ETAA1: variants seen among roughly 807,000 people sequenced by gnomAD.
The protein encoded by ETAA1 is ETAA1 activator of ATR kinase.
ETAA1 carries 49 observed loss-of-function variants against 76.8 expected under a neutral mutation model. The observed-to-expected ratio is 0.64, with a 90% confidence interval of 0.51 to 0.81. The LOEUF (loss-of-function observed/expected upper bound fraction) is 0.81, where lower values mean the gene tolerates loss of function less well. ETAA1 is among the 30% of genes least tolerant of loss of function. ETAA1 has a pLI of 0.00. For synonymous variants in ETAA1, 373 were observed against 372.2 expected (o/e 1.00, Z -0.03); for missense variants, 1,099 against 1,074.0 (o/e 1.02, Z -0.32).
chr2:67,402,758 A>C (rs1676090128), intron 3 of ETAA1, 104 bp from the exon 4 acceptor site: 1 of 685,494 alleles, frequency 1.5e-6, no homozygotes, highest in Admixed American at 3.4e-5. Context: ...AAATTAATTC[A>C]AAATCATTAG....
In ETAA1 at chr2:67,405,204, C is replaced by G. The variant is rs1176475573; in HGVS notation, c.2522C>G (p.Thr841Ser). 1.2e-6 allele frequency: 2 copies of G among 1,612,382 alleles called. No homozygotes were observed. The highest frequency in any genetic ancestry group is 1.3e-5 in the African/African-American group (1 of 74,818). Residue 841 changes from threonine to serine, a missense_variant, in exon 5 of 6, where the codon ACT becomes AGT. Coordinates refer to ENST00000272342, the MANE Select transcript of ETAA1 (RefSeq NM_019002.4). Reference protein sequence around the residue: ...ILSQFNQNCITGSMSDTKITQ... With the variant: ...ILSQFNQNCISGSMSDTKITQ... Reference sequence around the variant, plus strand: ...TCTCAGTTTAATCAAAATTGTATAACTGGAAGTATGTCTGATACCAAAATT... The same window carrying G: ...TCTCAGTTTAATCAAAATTGTATAAGTGGAAGTATGTCTGATACCAAAATT...
Position 67,412,050 on chromosome 2 carries a change from C to A in ETAA1, c.*2012C>A, listed in dbSNP as rs1469324776. The A allele has an allele frequency of 1.3e-5, 2 of 151,772 alleles. No homozygotes were observed. The highest frequency in any genetic ancestry group is 2.9e-5 in the Non-Finnish European group (2 of 67,936). The allele number at this position is 151,772 out of a possible 1,614,324, so 9.4% of individuals were successfully genotyped here. On this transcript the variant is annotated 3_prime_UTR_variant, in exon 6 of 6. Coordinates refer to ENST00000272342, the MANE Select transcript of ETAA1 (RefSeq NM_019002.4). ...ATCATAATGGTACTAATTATTGTGT[C>A]TTTCATTGAGCAATACTATAATGCC...
In ETAA1 at chr2:67,403,175, GAT is replaced by G. The variant is rs772082489; in HGVS notation, c.543-46_543-45del. The G allele has an allele frequency of 2.9e-5, 37 of 1,281,542 alleles. No individual in the cohort carries two copies. In the East Asian group the frequency reaches 8.7e-4, roughly 30 times the overall value. 79.4% of individuals were successfully genotyped at this position (1,281,542 alleles called of 1,614,324 possible). On this transcript the variant is annotated intron_variant, in intron 4 of 5. Coordinates refer to ENST00000272342, the MANE Select transcript of ETAA1 (RefSeq NM_019002.4). ...ATCAAAATATGTTAAATAACAGTTG[GAT>G]ATAATGTTTCAGAACATTTTTAGTT... is the stretch of plus-strand genomic sequence containing the variant.
rs145469665 is a variant in ETAA1, at chr2:67,403,703, C to G, written c.1021C>G (p.Arg341Gly). Residue 341 changes from arginine (R) to glycine (G), a missense_variant, in exon 5 of 6, where the codon CGA (arginine) becomes GGA (glycine). Physicochemically the swap from Arg to Gly is moderately radical, Grantham distance 125. Around this residue, in one of 3 missense-constraint regions of ETAA1, gnomAD observed 761 missense variants for 731.9 expected, o/e 1.04. Coordinates refer to ENST00000272342, the MANE Select transcript of ETAA1 (RefSeq NM_019002.4). ...VIEKLSNKTP[R>G]SLSSQVDTPI... ...TGAAAAACTGTCAAATAAAACCCCA[C>G]GATCACTTTCTTCTCAAGTAGATAC... 5.2e-4 allele frequency: 844 copies of G among 1,613,366 alleles called. 3 individuals carry two copies. The African/African-American group carries it at 8.7e-3, about 17-fold the overall frequency.
At position 67,397,780 on chromosome 2, in the gene ETAA1, T is replaced by C. The variant is rs1675922993; in HGVS notation, c.223+109T>C. The stretch of plus-strand genomic sequence containing the variant: ...GGTGGAGTCTGGAGCGTGTATTCTG[T>C]CTCTGGGATTCACCCCTCGAGAGTC... On this transcript the variant is annotated intron_variant, in intron 1 of 5. Transcript: ENST00000272342. 4 of 1,120,228 alleles carry C rather than the reference T, an allele frequency of 3.6e-6. No individual in the cohort carries two copies. In the East Asian group the frequency reaches 1.0e-4, roughly 29 times the overall value. 69.4% of individuals were successfully genotyped at this position (1,120,228 alleles called of 1,614,324 possible). A position where few individuals can be genotyped will look rare whatever the true frequency, so the allele number is the denominator to read the frequency against.
rs1480186105 is a variant in ETAA1 at position 67,411,950 on chromosome 2, A to G, written c.*1912A>G. The stretch of plus-strand genomic sequence containing the variant: ...TACTTTTAGCCTATTCTGTTCATTC[A>G]TTTAGACTCAGCCTAATAAGTCTGT... On this transcript the variant is annotated 3_prime_UTR_variant, in exon 6 of 6. Coordinates refer to ENST00000272342, the MANE Select transcript of ETAA1 (RefSeq NM_019002.4). 1.3e-5 allele frequency: 2 copies of G among 151,866 alleles called. No individual in the cohort carries two copies. The highest frequency in any genetic ancestry group is 3.9e-4 in the East Asian group (2 of 5,158). The allele number at this position is 151,866 out of a possible 1,614,324, so 9.4% of individuals were successfully genotyped here.
rs974523123 is a variant in ETAA1, at chr2:67,410,854, C to T, written c.*816C>T. The T allele has an allele frequency of 1.3e-5, 2 of 151,956 alleles. No individual in the cohort carries two copies. The highest frequency in any genetic ancestry group is 2.9e-5 in the Non-Finnish European group (2 of 67,944). 9.4% of individuals were successfully genotyped at this position (151,956 alleles called of 1,614,324 possible). On this transcript the variant is annotated 3_prime_UTR_variant, in exon 6 of 6. Coordinates refer to ENST00000272342, the MANE Select transcript of ETAA1 (RefSeq NM_019002.4). ...TTATTTGGACACCTAAACAATTATA[C>T]TATTTGTTTCAAAGTATCAGTACAT... is the stretch of plus-strand genomic sequence containing the variant.
Position 67,404,666 on chromosome 2 carries a change from T to C in ETAA1, c.1984T>C (p.Ser662Pro). 6.2e-7 allele frequency: 1 copy of C among 1,613,222 alleles called. No homozygotes were observed. The highest frequency in any genetic ancestry group is 8.5e-7 in the Non-Finnish European group (1 of 1,179,512). Residue 662 changes from serine to proline, a missense_variant, in exon 5 of 6, where the codon TCA (serine) becomes CCA (proline). Coordinates refer to ENST00000272342, the MANE Select transcript of ETAA1 (RefSeq NM_019002.4). Reference protein sequence around the residue: ...QQDIRKDSKTSESICEINNNS... With the variant: ...QQDIRKDSKTPESICEINNNS... ...AGACATTAGAAAGGACAGTAAGACATCAGAAAGTATATGTGAGATCAATAA... is the reference window on the plus strand; with the variant it reads ...AGACATTAGAAAGGACAGTAAGACACCAGAAAGTATATGTGAGATCAATAA...
chr2:67,403,794 T>C lies in ETAA1; in HGVS notation c.1112T>C (p.Ile371Thr), dbSNP rs765914015. ...GAGCCAGAAACTTCTAATAAGTACATTGATGCATTTACTACAAGTGATTTT... is the reference window on the plus strand; with the variant it reads ...GAGCCAGAAACTTCTAATAAGTACACTGATGCATTTACTACAAGTGATTTT... ...TKEPETSNKY[I>T]DAFTTSDFED... The change falls in exon 5 of 6, where the codon ATT becomes ACT. Residue 371 changes from isoleucine to threonine, a missense_variant. Physicochemically the swap from Ile to Thr is moderately conservative, Grantham distance 89. Around this residue, in one of 3 missense-constraint regions of ETAA1, gnomAD observed 761 missense variants for 731.9 expected, o/e 1.04. Transcript: ENST00000272342. 8.1e-6 allele frequency: 13 copies of C among 1,613,264 alleles called. No individual in the cohort carries two copies. Among genetic ancestry groups the C allele is most frequent in the South Asian group, 3.3e-5 (3 of 91,070 alleles).
In ETAA1 at chr2:67,399,149, T is replaced by C; in HGVS notation, c.224-20T>C. 6.3e-7 allele frequency: 1 copy of C among 1,599,354 alleles called. No individual in the cohort carries two copies. The highest frequency in any genetic ancestry group is 8.5e-7 in the Non-Finnish European group (1 of 1,174,184). On this transcript the variant is annotated intron_variant, in intron 1 of 5. Transcript: ENST00000272342. ...TGCTTTAAAATGCAACAATTGTTAT[T>C]TTACTCATATTTTATATAGAAAGGT...
Position 67,397,597 on chromosome 2 carries a change from AG to A in ETAA1, c.153del (p.Pro52LeufsTer33). 1 of 1,552,502 alleles carries A rather than the reference AG, an allele frequency of 6.4e-7. No homozygotes were observed. Among genetic ancestry groups the A allele is most frequent in the Non-Finnish European group, 8.7e-7 (1 of 1,148,758 alleles). ...ARGSWPCGAREGPPGPVRQRE... is the reference protein window; with the variant it reads ...ARGSWPCGARXGPPGPVRQRE... ...GGTTCGTGGCCCTGCGGGGCTAGAG[AG>A]GGGCCTCCCGGGCCAGTGCGGCAGC... On this transcript the variant is annotated frameshift_variant, in exon 1 of 6. Coordinates refer to ENST00000272342, the MANE Select transcript of ETAA1 (RefSeq NM_019002.4). LOFTEE classifies it high-confidence loss of function.
intron 3 of ETAA1, chr2:67,400,768 G>C (rs936644945): frequency 6.6e-6 from 1 of 152,024 alleles, no homozygotes; most frequent in African/African-American, 2.4e-5. Context: ...CCCAAAACAT[G>C]GTTTGAAGAA....
In ETAA1 at chr2:67,399,720, A is replaced by G. The variant is rs1284322607; in HGVS notation, c.429+94A>G. ...CTTTAAATGAAAAGTATTGTCTATT[A>G]TAATTCTTTTTTCCAAAAATAAGGC... is the stretch of plus-strand genomic sequence containing the variant. On this transcript the variant is annotated intron_variant, in intron 3 of 5. Coordinates refer to ENST00000272342, the MANE Select transcript of ETAA1 (RefSeq NM_019002.4). 4 of 795,488 alleles carry G rather than the reference A, an allele frequency of 5.0e-6. No individual in the cohort carries two copies. In the African/African-American group the frequency reaches 5.4e-5, roughly 11 times the overall value. The allele number at this position is 795,488 out of a possible 1,614,324, so 49.3% of individuals were successfully genotyped here.
Position 67,404,765 on chromosome 2 carries a change from T to G in ETAA1, c.2083T>G (p.Leu695Val). 6.2e-7 allele frequency: 1 copy of G among 1,613,460 alleles called. No homozygotes were observed. The highest frequency in any genetic ancestry group is 2.2e-5 in the East Asian group (1 of 44,822). The change falls in exon 5 of 6, where the codon TTG (leucine) becomes GTG (valine). Residue 695 changes from leucine to valine, a missense_variant. Transcript: ENST00000272342. ...QGSNLVQSKHLNPGSISVQTS... is the reference protein window; with the variant it reads ...QGSNLVQSKHVNPGSISVQTS... ...AAGTAATTTGGTACAATCAAAGCAT[T>G]TGAATCCAGGCAGCATTTCAGTGCA...
chr2:67,405,265 A>G lies in ETAA1; in HGVS notation c.2583A>G (p.Pro861=), dbSNP rs17033537. 5.1e-3 allele frequency: 8,094 copies of G among 1,599,148 alleles called. 329 individuals are homozygous for G. The African/African-American group carries it at 0.088, about 17-fold the overall frequency. Residue 861 remains proline, a synonymous_variant, in exon 5 of 6, where the codon CCA becomes CCG. Transcript: ENST00000272342. Reference sequence around the variant, plus strand: ...TGGAGAAAAAGAAAGGTGTCAACCCATTACTGGAGGAAGCTGTTGGACAGC... The same window carrying G: ...TGGAGAAAAAGAAAGGTGTCAACCCGTTACTGGAGGAAGCTGTTGGACAGC... ...QGVEKKKGVN[P]LLEEAVGQQS...
Position 67,405,048 on chromosome 2 carries a change from C to T in ETAA1, c.2366C>T (p.Thr789Ile), listed in dbSNP as rs200553109. ...TSDHMNTEIT[T>I]YKKKLSTNQP... ...GATCATATGAATACAGAAATTACTACTTATAAGAAGAAATTGAGTACTAAT... is the reference window on the plus strand; with the variant it reads ...GATCATATGAATACAGAAATTACTATTTATAAGAAGAAATTGAGTACTAAT... Residue 789 changes from threonine to isoleucine, a missense_variant, in exon 5 of 6, where the codon ACT becomes ATT. Around this residue, in one of 3 missense-constraint regions of ETAA1, gnomAD observed 302 missense variants for 278.1 expected, o/e 1.09. Coordinates refer to ENST00000272342, the MANE Select transcript of ETAA1 (RefSeq NM_019002.4). 3 of 1,611,486 alleles carry T rather than the reference C, an allele frequency of 1.9e-6. No individual in the cohort carries two copies. In the East Asian group the frequency reaches 6.7e-5, roughly 36 times the overall value.
At position 67,397,648 on chromosome 2, in the gene ETAA1, T is replaced by G. The variant is rs761561082; in HGVS notation, c.200T>G (p.Leu67Arg). Reference sequence around the variant, plus strand: ...CGAGAGCAGCCTCCGACCGCCGCCCTGTGCAGTAAAAGTAACCCCGAGGGT... The same window carrying G: ...CGAGAGCAGCCTCCGACCGCCGCCCGGTGCAGTAAAAGTAACCCCGAGGGT... ...RQREQPPTAA[L>R]CSKSNPEERY... Residue 67 changes from leucine to arginine, a missense_variant, in exon 1 of 6, where the codon CTG becomes CGG. Transcript: ENST00000272342. The G allele has an allele frequency of 1.3e-5, 20 of 1,546,402 alleles. No individual in the cohort carries two copies. Among genetic ancestry groups the G allele is most frequent in the Non-Finnish European group, 1.7e-5 (19 of 1,146,424 alleles).
At chr2:67,402,834 T>G (rs1274345722) in intron 3 of ETAA1, 28 bp from the exon 4 acceptor site, 1 of 1,506,616 alleles carries the variant, frequency 6.6e-7, no homozygotes, top group African/African-American at 1.4e-5. Context: ...TGGTACTTTA[T>G]ACCTCTTTTT....
intron 3 of ETAA1, chr2:67,402,196 T>C (rs1328126337): frequency 6.6e-6 from 1 of 151,948 alleles, no homozygotes; most frequent in Non-Finnish European, 1.5e-5. Flanking sequence ...ACAGCAAAAG[T>C]ATCCAGGTCT....
Sources: gnomAD v4.1 joint callset for allele counts on GRCh38, gnomAD v4.1.1 for gene constraint, gnomAD v4.1.1 regional missense constraint, MANE v1.5 for transcripts, NCBI Gene and HGNC (gene_info 2026-07-23, HGNC 2026-07-21) for gene names.